GRIN2B: variants seen among roughly 807,000 people sequenced by gnomAD.
The protein encoded by GRIN2B is glutamate ionotropic receptor NMDA type subunit 2B, also known as glutamate receptor ionotropic, NMDA 2B.
A neutral mutation model predicts 114.5 loss-of-function variants in GRIN2B; 5 were observed. The ratio of observed to expected loss-of-function variants is 0.04; its 90% CI spans 0.02 to 0.09. GRIN2B has a LOEUF of 0.09. GRIN2B is among the 10% of genes least tolerant of loss of function. The pLI, the probability that GRIN2B is intolerant of heterozygous loss-of-function variation, is 1.00. For missense variants in GRIN2B, 1,108 were observed against 1,943.5 expected (o/e 0.57, Z 8.08); for synonymous variants, 787 against 745.1 (o/e 1.06, Z -0.92).
intron 2 of GRIN2B, among the ~76,000 whole-genome samples, chr12:13,914,390 A>G (rs755260179): frequency 2.0e-5 from 3 of 152,222 alleles, no homozygotes; most frequent in Non-Finnish European, 2.9e-5. Context: ...ACCCCAGTTA[A>G]AATGGCTTTT....
intron 9 of GRIN2B, 86 bp from the exon 10 acceptor site, chr12:13,608,918 C>A (rs1949323663): frequency 4.2e-6 from 4 of 959,822 alleles, no homozygotes; most frequent in Non-Finnish European, 5.0e-6. Flanking sequence ...TGAGTCCCTG[C>A]TCAGAGCAGG....
At chr12:13,723,027 G>A (rs575375623) in intron 4 of GRIN2B, among the ~76,000 whole-genome samples, 24 of 152,108 alleles carry the variant, frequency 1.6e-4, no homozygotes, top group Middle Eastern at 3.4e-3. Flanking sequence ...TCCTTCACTC[G>A]TGTCCAGGAA....
chr12:13,810,192 G>T (rs148880441), intron 3 of GRIN2B, among the ~76,000 whole-genome samples: 2 of 147,912 alleles, frequency 1.4e-5, no homozygotes, highest in Non-Finnish European at 3.0e-5. Flanking sequence ...CTTACTTTCC[G>T]CATAGTACTT....
intron 2 of GRIN2B, among the ~76,000 whole-genome samples, chr12:13,962,089 TACACACACACAC>T (rs143658576): frequency 1.0e-4 from 15 of 145,326 alleles, no homozygotes; most frequent in Admixed American, 8.1e-4. Flanking sequence ...CTCTCATACA[TACACACACACAC>T]ACACACACAC....
Position 13,557,613 on chromosome 12 carries a change from A to G in GRIN2B, c.*5170T>C, listed in dbSNP as rs1473537652. ...TTAGAAATTCATAAATTATACACTCATATGATTGTGTATTGAAAATAATTC... is the reference window on the plus strand; with the variant it reads ...TTAGAAATTCATAAATTATACACTCGTATGATTGTGTATTGAAAATAATTC... On this transcript the variant is annotated 3_prime_UTR_variant, in exon 14 of 14. Transcript: ENST00000609686. 1.3e-5 allele frequency: 2 copies of G among 152,218 alleles called. No homozygotes were observed. The highest frequency in any genetic ancestry group is 1.3e-4 in the Admixed American group (2 of 15,282). The allele number at this position is 152,218 out of a possible 1,614,324, so 9.4% of individuals were successfully genotyped here.
At position 13,555,051 on chromosome 12, in the gene GRIN2B, T is replaced by C. The variant is rs907513838; in HGVS notation, c.*7732A>G. The stretch of plus-strand genomic sequence containing the variant: ...GGATTCATCTTCATTCAAAGAGTTA[T>C]TGAAATCATAGAAGACAGAAAGATT... On this transcript the variant is annotated 3_prime_UTR_variant, in exon 14 of 14. Transcript: ENST00000609686. 6.6e-6 allele frequency: 1 copy of C among 152,060 alleles called. No individual in the cohort carries two copies. Among genetic ancestry groups the C allele is most frequent in the African/African-American group, 2.4e-5 (1 of 41,402 alleles). 9.4% of individuals were successfully genotyped at this position (152,060 alleles called of 1,614,324 possible).
At chr12:13,784,558 C>T (rs1864188719) in intron 3 of GRIN2B, among the ~76,000 whole-genome samples, 1 of 152,132 alleles carries the variant, frequency 6.6e-6, no homozygotes, top group Admixed American at 6.5e-5. Flanking sequence ...TAGTCAATTT[C>T]CACCCCCCTG....
intron 2 of GRIN2B, among the ~76,000 whole-genome samples, chr12:13,921,365 C>A (rs1236729039): frequency 6.6e-6 from 1 of 152,130 alleles, no homozygotes. Context: ...GCCACTGCCA[C>A]TATACTCCAG....
At chr12:13,941,278 T>C (rs1867246484) in intron 2 of GRIN2B, among the ~76,000 whole-genome samples, 1 of 152,156 alleles carries the variant, frequency 6.6e-6, no homozygotes, top group Non-Finnish European at 1.5e-5. Flanking sequence ...TTGAACCTGG[T>C]CAAAAGCTAA....
chr12:13,980,942 ACT>A (rs1344745771), intron 1 of GRIN2B, among the ~76,000 whole-genome samples: 2 of 148,460 alleles, frequency 1.3e-5, no homozygotes, highest in African/African-American at 5.2e-5. Flanking sequence ...GCGCACTCAC[ACT>A]CACCCCCGCG....
chr12:13,562,463 C>T lies in GRIN2B; in HGVS notation c.*320G>A, dbSNP rs1436363923. The T allele has an allele frequency of 2.8e-6, 1 of 355,962 alleles. No homozygotes were observed. Among genetic ancestry groups the T allele is most frequent in the African/African-American group, 2.1e-5 (1 of 48,660 alleles). 22.1% of individuals were successfully genotyped at this position (355,962 alleles called of 1,614,324 possible). On this transcript the variant is annotated 3_prime_UTR_variant, in exon 14 of 14. Coordinates refer to ENST00000609686, the MANE Select transcript of GRIN2B (RefSeq NM_000834.5). ...GAGGATATCAAGGAGCTCTTCCACA[C>T]CAGGAGGAAGCCCGCATGCAGCCCT... is the stretch of plus-strand genomic sequence containing the variant.
chr12:13,855,435 A>G (rs1865643731), intron 3 of GRIN2B, among the ~76,000 whole-genome samples: 1 of 152,122 alleles, frequency 6.6e-6, no homozygotes, highest in South Asian at 2.1e-4. Flanking sequence ...TTCATTTCCT[A>G]AGGCTGCAGA....
intron 10 of GRIN2B, among the ~76,000 whole-genome samples, chr12:13,605,539 T>TGA (rs1565472419): frequency 8.5e-5 from 6 of 70,454 alleles, no homozygotes; most frequent in Admixed American, 1.7e-4. Context: ...TCTCTCTCTC[T>TGA]CTCTCTCTCT....
intron 4 of GRIN2B, among the ~76,000 whole-genome samples, chr12:13,738,512 G>A (rs945369245): frequency 6.6e-6 from 1 of 152,160 alleles, no homozygotes; most frequent in Non-Finnish European, 1.5e-5. Context: ...AACAGGAACA[G>A]AAACCAAATT....
At chr12:13,621,995 G>A (rs926076499) in intron 5 of GRIN2B, among the ~76,000 whole-genome samples, 1 of 151,822 alleles carries the variant, frequency 6.6e-6, no homozygotes, top group Non-Finnish European at 1.5e-5. Context: ...TGAGCAGAAG[G>A]GCGAATGTGT....
chr12:13,594,158 G>A (rs1290726737), intron 10 of GRIN2B, among the ~76,000 whole-genome samples: 2 of 152,146 alleles, frequency 1.3e-5, no homozygotes, highest in Admixed American at 1.3e-4. Context: ...ATTTGACCCA[G>A]CAATCCCATT....
At chr12:13,964,881 G>T (rs1460141309) in intron 2 of GRIN2B, among the ~76,000 whole-genome samples, 1 of 152,186 alleles carries the variant, frequency 6.6e-6, no homozygotes, top group Non-Finnish European at 1.5e-5. Flanking sequence ...CAGGAGCTCA[G>T]CCTTCTTTGT....
chr12:13,696,046 A>G (rs1450957249), intron 4 of GRIN2B, among the ~76,000 whole-genome samples: 1 of 152,194 alleles, frequency 6.6e-6, no homozygotes, highest in Non-Finnish European at 1.5e-5. Context: ...GATCTTTCTT[A>G]CTATAACTAC....
intron 2 of GRIN2B, among the ~76,000 whole-genome samples, chr12:13,869,241 CTTT>C (rs377460231): frequency 4.7e-5 from 6 of 127,356 alleles, no homozygotes; most frequent in Admixed American, 1.6e-4. Context: ...CTTTTTTTTT[CTTT>C]TTTTTTTTTT....
Sources: allele counts gnomAD v4.1 joint callset (sites outside exome capture counted in the v4.1 genomes callset), GRCh38; gene constraint gnomAD v4.1.1; transcripts MANE v1.5; gene names NCBI Gene and HGNC (gene_info 2026-07-23, HGNC 2026-07-21).